Variants in VEGFC observed in about 807,000 individuals in gnomAD.
The protein encoded by VEGFC is vascular endothelial growth factor C, also known as FLT4 ligand DHM.
VEGFC carries 12 observed loss-of-function variants against 46.1 expected under a neutral mutation model. The observed-to-expected ratio is 0.26, with a 90% CI of 0.17 to 0.42. VEGFC has a LOEUF of 0.42. VEGFC is among the 10% of genes least tolerant of loss of function. The pLI is 1.00. For missense variants in VEGFC, 488 were observed against 529.4 expected (o/e 0.92, Z 0.77); for synonymous variants, 232 against 195.5 (o/e 1.19, Z -1.56).
chr4:176,750,528 C>T (rs905174718), intron 1 of VEGFC, among the ~76,000 whole-genome samples: 4 of 151,614 alleles, frequency 2.6e-5, no homozygotes, highest in Non-Finnish European at 5.9e-5. Context: ...GACGTAGAGT[C>T]CACTGAGAAG....
At chr4:176,790,855 A>G (rs1330930117) in intron 1 of VEGFC, among the ~76,000 whole-genome samples, 1 of 152,246 alleles carries the variant, frequency 6.6e-6, no homozygotes, top group Non-Finnish European at 1.5e-5. Flanking sequence ...CACTATAGTT[A>G]CGGCAATGTA....
At chr4:176,716,369 G>T (rs961541373) in intron 3 of VEGFC, among the ~76,000 whole-genome samples, 4 of 151,828 alleles carry the variant, frequency 2.6e-5, no homozygotes, top group African/African-American at 9.7e-5. Flanking sequence ...TTGAGGTCAG[G>T]AGTTCAAGAC....
intron 1 of VEGFC, among the ~76,000 whole-genome samples, chr4:176,747,387 C>CT (rs1735274857): frequency 6.6e-6 from 1 of 151,912 alleles, no homozygotes; most frequent in Non-Finnish European, 1.5e-5. Context: ...AAACAAATCC[C>CT]TTTTAAAAAA....
In VEGFC at chr4:176,687,452, C is replaced by A. The variant is rs745847895; in HGVS notation, c.880G>T (p.Val294Phe). The A allele has an allele frequency of 2.4e-5, 38 of 1,614,010 alleles. No homozygotes were observed. The Middle Eastern group carries it at 4.9e-4, about 21-fold the overall frequency. The change falls in exon 6 of 7, where the codon GTC (valine) becomes TTC (phenylalanine). Residue 294 changes from valine to phenylalanine, a missense_variant. By Grantham distance (50) the Val-to-Phe change is conservative. Transcript: ENST00000618562. ...GCAGGCCGAAGCCCCGCTCTGCAGA[C>A]ACACTGACAGGTCTCTTCATCCAGC... is the stretch of plus-strand genomic sequence containing the variant. ...KELDEETCQC[V>F]CRAGLRPASC... is the part of the protein sequence containing the mutation.
intron 1 of VEGFC, among the ~76,000 whole-genome samples, chr4:176,781,767 T>C (rs1449160038): frequency 6.6e-6 from 1 of 152,262 alleles, no homozygotes; most frequent in Non-Finnish European, 1.5e-5. Flanking sequence ...CTGTTTTCAC[T>C]ATTGTTCACC....
intron 4 of VEGFC, among the ~76,000 whole-genome samples, chr4:176,693,348 G>T (rs1005774017): frequency 7.4e-6 from 1 of 135,732 alleles, no homozygotes; most frequent in East Asian, 2.0e-4. Flanking sequence ...CTCAGGAGCC[G>T]ATGCAATCAA....
intron 1 of VEGFC, among the ~76,000 whole-genome samples, chr4:176,786,741 G>A (rs1009614389): frequency 9.9e-5 from 15 of 152,204 alleles, no homozygotes; most frequent in African/African-American, 3.4e-4. Context: ...AGTAAGAACT[G>A]ATTAACATGA....
At chr4:176,743,497 A>G (rs1325795364) in intron 1 of VEGFC, among the ~76,000 whole-genome samples, 1 of 151,626 alleles carries the variant, frequency 6.6e-6, no homozygotes, top group East Asian at 1.9e-4. Context: ...CACCGGATAT[A>G]AATAATGTAT....
At chr4:176,742,503 G>C (rs952243973) in intron 1 of VEGFC, among the ~76,000 whole-genome samples, 1 of 151,868 alleles carries the variant, frequency 6.6e-6, no homozygotes, top group Admixed American at 6.6e-5. Flanking sequence ...TTAGTTCTTT[G>C]AGAAATTTTC....
chr4:176,738,484 G>A (rs547567116), intron 1 of VEGFC, among the ~76,000 whole-genome samples: 146 of 152,046 alleles, frequency 9.6e-4, no homozygotes, highest in African/African-American at 3.3e-3. Flanking sequence ...GGTGCTGGGA[G>A]AACTGGCTAG....
intron 1 of VEGFC, among the ~76,000 whole-genome samples, chr4:176,780,598 A>G (rs1016914279): frequency 1.3e-5 from 2 of 152,204 alleles, no homozygotes; most frequent in Non-Finnish European, 2.9e-5. Context: ...TAAATCAGGC[A>G]TATGTGTCCT....
chr4:176,697,223 A>G (rs1396289114), intron 4 of VEGFC, among the ~76,000 whole-genome samples: 1 of 150,272 alleles, frequency 6.7e-6, no homozygotes, highest in Non-Finnish European at 1.5e-5. Context: ...GAAAATTTTC[A>G]CAACCTACTC....
chr4:176,767,909 T>A (rs572783078), intron 1 of VEGFC, among the ~76,000 whole-genome samples: 1 of 152,190 alleles, frequency 6.6e-6, no homozygotes, highest in East Asian at 1.9e-4. Flanking sequence ...GTGGCTCAGG[T>A]CAGAGATGTA....
At chr4:176,747,784 C>T (rs2110889434) in intron 1 of VEGFC, among the ~76,000 whole-genome samples, 1 of 152,018 alleles carries the variant, frequency 6.6e-6, no homozygotes, top group South Asian at 2.1e-4. Flanking sequence ...AGAGCCAGAC[C>T]CTGTCTCAAA....
intron 1 of VEGFC, among the ~76,000 whole-genome samples, chr4:176,754,029 T>G (rs1735392201): frequency 6.6e-6 from 1 of 152,114 alleles, no homozygotes; most frequent in Admixed American, 6.6e-5. Flanking sequence ...ACTGTAACCA[T>G]ATTCCAGATG....
At chr4:176,717,869 T>C (rs1377531559) in intron 3 of VEGFC, among the ~76,000 whole-genome samples, 2 of 152,130 alleles carry the variant, frequency 1.3e-5, no homozygotes, top group Non-Finnish European at 2.9e-5. Context: ...GACTTAGCAT[T>C]GCAACCACAT....
At chr4:176,703,487 T>C (rs1457322041) in intron 4 of VEGFC, among the ~76,000 whole-genome samples, 1 of 151,946 alleles carries the variant, frequency 6.6e-6, no homozygotes, top group Non-Finnish European at 1.5e-5. Flanking sequence ...GGGTCAGTTG[T>C]GGGGGGAATG....
chr4:176,779,996 C>T (rs1357803246), intron 1 of VEGFC, among the ~76,000 whole-genome samples: 2 of 152,170 alleles, frequency 1.3e-5, no homozygotes, highest in East Asian at 3.9e-4. Flanking sequence ...AGAACGACAG[C>T]TCTTAAACAT....
intron 1 of VEGFC, among the ~76,000 whole-genome samples, chr4:176,753,863 T>A (rs1259327067): frequency 6.6e-6 from 1 of 152,124 alleles, no homozygotes; most frequent in East Asian, 1.9e-4. Flanking sequence ...TGGTTTAATT[T>A]ATGTCTTTTG....
Sources: gnomAD v4.1 joint callset for allele counts (sites outside exome capture counted in the v4.1 genomes callset) on GRCh38, gnomAD v4.1.1 for gene constraint, MANE v1.5 for transcripts, NCBI Gene and HGNC (gene_info 2026-07-23, HGNC 2026-07-21) for gene names.